MGST2: variants seen among roughly 807,000 people sequenced by gnomAD.
MGST2 encodes the protein microsomal glutathione S-transferase 2, also known as glutathione peroxidase MGST2.
MGST2 carries 9 observed loss-of-function variants against 16.6 expected under a neutral mutation model. The observed-to-expected ratio is 0.54, with a 90% CI of 0.33 to 0.95. The LOEUF is 0.95. MGST2 is among the 40% of genes least tolerant of loss of function. The probability of loss-of-function intolerance (pLI) is 0.03; values close to 1 mark genes in which losing one functional copy is unlikely to be tolerated. For missense variants in MGST2, 159 were observed against 175.1 expected, an observed-to-expected ratio of 0.91 and a Z score of 0.52; for synonymous variants, 79 against 68.0, an observed-to-expected ratio of 1.16 and a Z score of -0.79.
At chr4:139,716,746 C>G (rs551583957) in intron 5 of MGST2, 1 of 152,458 alleles carries the variant, frequency 6.6e-6, no homozygotes, top group Non-Finnish European at 1.5e-5. Context: ...ATAAACTATA[C>G]TTTGGATTGA....
chr4:139,698,161 G>A (rs574871170), intron 3 of MGST2: 6 of 1,551,448 alleles, frequency 3.9e-6, no homozygotes, highest in East Asian at 2.2e-5. Context: ...CGTTCTCCAC[G>A]TATGCTGTGT....
intron 5 of MGST2, among the ~76,000 whole-genome samples, chr4:139,738,502 C>G (rs1264579423): frequency 6.6e-6 from 1 of 152,166 alleles, no homozygotes; most frequent in Non-Finnish European, 1.5e-5. Context: ...GAGATTGCAC[C>G]ACTGCACTCC....
At position 139,720,053 on chromosome 4, in the gene MGST2, T is replaced by C. The variant is rs200536188; in HGVS notation, c.*48+15857T>C. 1.5e-4 allele frequency: 237 copies of C among 1,614,062 alleles called. 1 individual carries two copies. Among genetic ancestry groups the C allele is most frequent in the Non-Finnish European group, 1.9e-4 (230 of 1,179,890 alleles). On this transcript the variant is annotated intron_variant, in intron 5 of 5. Transcript: ENST00000616265. ...GGCAGGTTGCCTCGGTCCCTGGGCT[T>C]GGTTATGTGTGATGCTCATGCCACT...
chr4:139,697,784 C>T (rs1177651809), intron 3 of MGST2, among the ~76,000 whole-genome samples: 1 of 152,028 alleles, frequency 6.6e-6, no homozygotes, highest in African/African-American at 2.4e-5. Flanking sequence ...CATTTAGTTG[C>T]CATCAATAAG....
rs148374267 is a variant in MGST2 at position 139,666,061 on chromosome 4, C to T, written c.42C>T (p.Leu14=). 272 of 1,613,948 alleles carry T rather than the reference C, an allele frequency of 1.7e-4. 1 individual carries two copies. The African/African-American group carries it at 3.2e-3, about 19-fold the overall frequency. Residue 14 remains leucine, a synonymous_variant, in exon 1 of 5, where the codon CTC becomes CTT. Transcript: ENST00000265498. ...NSILLAAVSI[L]SACQQSYFAL... ...TCCTGCTGGCTGCTGTCTCTATTCTCTCGGCCTGTCAGCAAAGTAAGAGGC... is the reference window on the plus strand; with the variant it reads ...TCCTGCTGGCTGCTGTCTCTATTCTTTCGGCCTGTCAGCAAAGTAAGAGGC...
chr4:139,708,804 A>G (rs1727619494), downstream of MGST2, among the ~76,000 whole-genome samples: 1 of 151,952 alleles, frequency 6.6e-6, no homozygotes, highest in African/African-American at 2.4e-5. Flanking sequence ...AGAGTTTGAG[A>G]CCAGCCTGAC....
In MGST2 at chr4:139,667,795, T is replaced by C. The variant is rs140272098; in HGVS notation, c.58+1718T>C. Among the ~76,000 whole-genome samples the C allele has an allele frequency of 1.5e-3, 228 of 150,860 alleles. 4 individuals are homozygous for C. In the East Asian group the frequency reaches 0.042, roughly 28 times the overall value. Reference sequence around the variant, plus strand: ...ATCGCTTGAACCTGGGAGGGGGAGGTTGCAGTGGACTGAGATCACAGCACT... The same window carrying C: ...ATCGCTTGAACCTGGGAGGGGGAGGCTGCAGTGGACTGAGATCACAGCACT... On this transcript the variant is annotated intron_variant, in intron 1 of 4. Coordinates refer to ENST00000265498, the MANE Select transcript of MGST2 (RefSeq NM_002413.5).
At chr4:139,709,503 G>T (rs1050876096) in intron 5 of MGST2, among the ~76,000 whole-genome samples, 3 of 152,184 alleles carry the variant, frequency 2.0e-5, no homozygotes, top group Non-Finnish European at 1.5e-5. Context: ...ATTCTCTGGA[G>T]CTGTGTCCTG....
chr4:139,666,372 A>T (rs909444062), intron 1 of MGST2, among the ~76,000 whole-genome samples: 3 of 152,010 alleles, frequency 2.0e-5, no homozygotes, highest in Non-Finnish European at 2.9e-5. Flanking sequence ...TGTGATTACG[A>T]CCCACAGCCC....
intron 5 of MGST2, chr4:139,731,471 A>G (rs1453179575): frequency 6.8e-6 from 1 of 147,412 alleles, no homozygotes; most frequent in Non-Finnish European, 1.4e-5. Flanking sequence ...AAAAAAAATT[A>G]GCCAGACATG....
At chr4:139,719,604 T>C (rs201255548) in intron 5 of MGST2, 15 of 1,613,100 alleles carry the variant, frequency 9.3e-6, no homozygotes, top group African/African-American at 8.0e-5. Context: ...GACATGACCA[T>C]TGGCCTCGCC....
downstream of MGST2, among the ~76,000 whole-genome samples, chr4:139,705,392 T>G (rs571202087): frequency 6.6e-6 from 1 of 152,332 alleles, no homozygotes; most frequent in Non-Finnish European, 1.5e-5. Flanking sequence ...AGAGGTAGCA[T>G]GTGCAAATTC....
At chr4:139,744,544 T>C (rs992176005), downstream of MGST2, among the ~76,000 whole-genome samples, 1 of 152,180 alleles carries the variant, frequency 6.6e-6, no homozygotes, top group African/African-American at 2.4e-5. Context: ...TAGAACACAA[T>C]GTGTGGCGTG....
intron 4 of MGST2, 100 bp downstream of exon 4, chr4:139,703,636 G>A (rs2110908661): frequency 1.8e-6 from 2 of 1,137,054 alleles, no homozygotes; most frequent in Middle Eastern, 3.9e-4. Flanking sequence ...ACTGTGAGTT[G>A]TGGTGGCAAA....
rs565080671 is a variant in MGST2, at chr4:139,698,340, A to G, written c.229+3073A>G. On this transcript the variant is annotated intron_variant, in intron 3 of 4. Coordinates refer to ENST00000265498, the MANE Select transcript of MGST2 (RefSeq NM_002413.5). ...TTTAAAGTCCTGAGCAATTTCTCGC[A>G]CCAGACGCTGGAAGGGAAGTTTGCG... 25 of 1,583,672 alleles carry G rather than the reference A, an allele frequency of 1.6e-5. 1 individual carries two copies. In the Middle Eastern group the frequency reaches 7.6e-4, roughly 48 times the overall value.
intron 2 of MGST2, among the ~76,000 whole-genome samples, chr4:139,690,864 G>A (rs1280633873): frequency 6.6e-6 from 1 of 152,202 alleles, no homozygotes; most frequent in African/African-American, 2.4e-5. Context: ...AGGTGGGAAT[G>A]TGCAGTAGTC....
intron 5 of MGST2, among the ~76,000 whole-genome samples, chr4:139,736,371 C>T (rs1171387106): frequency 1.3e-5 from 2 of 152,114 alleles, no homozygotes; most frequent in African/African-American, 4.8e-5. Flanking sequence ...GGCCAAAGAG[C>T]GCAGCAGTTT....
chr4:139,689,036 G>A (rs1230333561), intron 2 of MGST2, among the ~76,000 whole-genome samples: 1 of 151,548 alleles, frequency 6.6e-6, no homozygotes, highest in Non-Finnish European at 1.5e-5. Flanking sequence ...GAACCCAGGA[G>A]GCGGAGGTTG....
intron 3 of MGST2, among the ~76,000 whole-genome samples, chr4:139,700,224 CGGGT>C (rs1727171228): frequency 6.7e-6 from 1 of 148,690 alleles, no homozygotes; most frequent in South Asian, 2.1e-4. Flanking sequence ...CTCCGCCTCC[CGGGT>C]TCACGCCATT....
Sources: allele counts gnomAD v4.1 joint callset (sites outside exome capture counted in the v4.1 genomes callset), GRCh38; gene constraint gnomAD v4.1.1; transcripts MANE v1.5; gene names NCBI Gene and HGNC (gene_info 2026-07-23, HGNC 2026-07-21).